Variants in RABL3 observed in about 807,000 individuals in gnomAD.
RABL3 encodes the protein rab-like protein 3.
A neutral mutation model predicts 31.8 loss-of-function variants in RABL3; 31 were observed. The observed-to-expected ratio is 0.97, with a 90% CI of 0.73 to 1.31. The LOEUF (loss-of-function observed/expected upper bound fraction) is 1.31, where lower values mean the gene tolerates loss of function less well. Among genes scored for constraint, RABL3 ranks in the 40% most tolerant of loss-of-function variants. RABL3 has a pLI of 0.00. For synonymous variants in RABL3, 97 were observed against 99.9 expected (o/e 0.97, Z 0.18); for missense variants, 263 against 279.6 (o/e 0.94, Z 0.42).
intron 1 of RABL3, among the ~76,000 whole-genome samples, chr3:120,735,700 C>G (rs1297318434): frequency 3.3e-5 from 5 of 152,186 alleles, no homozygotes; most frequent in Admixed American, 6.5e-5. Flanking sequence ...AAATTTCCCT[C>G]TACACACTGC....
chr3:120,696,590 AT>A (rs1419876655), intron 5 of RABL3, among the ~76,000 whole-genome samples: 3 of 82,826 alleles, frequency 3.6e-5, no homozygotes, highest in Admixed American at 1.6e-4. Context: ...GCAAGTAGGA[AT>A]AACACACACA....
chr3:120,723,605 C>A (rs1043892933), intron 2 of RABL3, among the ~76,000 whole-genome samples: 1 of 152,174 alleles, frequency 6.6e-6, no homozygotes, highest in African/African-American at 2.4e-5. Flanking sequence ...CCACCATGAT[C>A]AAGTGGGCTT....
intron 6 of RABL3, among the ~76,000 whole-genome samples, chr3:120,693,157 C>T (rs1411714519): frequency 1.4e-5 from 2 of 147,068 alleles, no homozygotes; most frequent in Admixed American, 6.8e-5. Flanking sequence ...AGCATCTAGG[C>T]ACATCTGTAC....
chr3:120,731,314 T>C (rs550052991), intron 1 of RABL3, among the ~76,000 whole-genome samples: 5 of 152,278 alleles, frequency 3.3e-5, no homozygotes, highest in African/African-American at 9.6e-5. Context: ...ATACTGTCAG[T>C]GAGAGGGATT....
intron 2 of RABL3, among the ~76,000 whole-genome samples, chr3:120,723,656 A>G (rs1708777904): frequency 6.6e-6 from 1 of 152,260 alleles, no homozygotes; most frequent in Non-Finnish European, 1.5e-5. Context: ...ACGCAAATCA[A>G]TAAACGTAAT....
At position 120,686,760 on chromosome 3, in the gene RABL3, T is replaced by C. The variant is rs531861753; in HGVS notation, c.*3063A>G. ...TTCAGAAATGAAGACAAAAAAGAAA[T>C]AGGAAAACTTGTGTATTTTTATGTA... On this transcript the variant is annotated 3_prime_UTR_variant, in exon 8 of 8. Transcript: ENST00000273375. 11 of 152,212 alleles carry C rather than the reference T, an allele frequency of 7.2e-5. No homozygotes were observed. Among genetic ancestry groups the C allele is most frequent in the African/African-American group, 2.2e-4 (9 of 41,542 alleles). The allele number at this position is 152,212 out of a possible 1,614,324, so 9.4% of individuals were successfully genotyped here. A position where few individuals can be genotyped will look rare whatever the true frequency, so the allele number is the denominator to read the frequency against.
intron 1 of RABL3, among the ~76,000 whole-genome samples, chr3:120,739,454 T>C (rs1026716730): frequency 6.6e-6 from 1 of 152,142 alleles, no homozygotes; most frequent in Non-Finnish European, 1.5e-5. Flanking sequence ...TCAAAGATTA[T>C]CATTATGATT....
In RABL3 at chr3:120,709,761, A is replaced by G. The variant is rs774555547; in HGVS notation, c.268+19T>C. 1.3e-6 allele frequency: 2 copies of G among 1,584,126 alleles called. No individual in the cohort carries two copies. Among genetic ancestry groups the G allele is most frequent in the Non-Finnish European group, 1.7e-6 (2 of 1,158,168 alleles). Reference sequence around the variant, plus strand: ...CTCTTAGACCATTAATATAAGATAGAAATTTAAAAATGTTTTACCATTTAC... The same window carrying G: ...CTCTTAGACCATTAATATAAGATAGGAATTTAAAAATGTTTTACCATTTAC... On this transcript the variant is annotated intron_variant, in intron 3 of 7. Transcript: ENST00000273375.
Position 120,685,242 on chromosome 3 carries a change from A to C in RABL3, c.*4581T>G, listed in dbSNP as rs1708295780. Among the ~76,000 whole-genome samples, 2 of 152,328 alleles carry C rather than the reference A, an allele frequency of 1.3e-5. No homozygotes were observed. Among genetic ancestry groups the C allele is most frequent in the Middle Eastern group, 6.8e-3 (2 of 294 alleles). ...GGTGTGACAGGTCTACAGAGTAATC[A>C]CTCCAAAACGGAGTTAGGCATCAGA... On this transcript the variant is annotated 3_prime_UTR_variant, in exon 8 of 8. Coordinates refer to ENST00000273375, the MANE Select transcript of RABL3 (RefSeq NM_173825.5).
In RABL3 at chr3:120,695,867, C is replaced by T. The variant is rs553968312; in HGVS notation, c.535-1643G>A. 2.0e-5 allele frequency among the ~76,000 whole-genome samples: 3 copies of T among 152,178 alleles called. No individual in the cohort carries two copies. In the South Asian group the frequency reaches 6.2e-4, roughly 32 times the overall value. ...ACAACAAGCAAACAAAAAAACACCC[C>T]CAAAACCTTAATTCTATGGTTCCAT... On this transcript the variant is annotated intron_variant, in intron 5 of 7. Transcript: ENST00000273375.
chr3:120,698,548 C>A lies in RABL3; in HGVS notation c.409G>T (p.Asp137Tyr), dbSNP rs1456580979. 1 of 1,612,022 alleles carries A rather than the reference C, an allele frequency of 6.2e-7. No individual in the cohort carries two copies. The highest frequency in any genetic ancestry group is 8.5e-7 in the Non-Finnish European group (1 of 1,178,728). Residue 137 changes from aspartate (D) to tyrosine (Y), a missense_variant, in exon 5 of 8, where the codon GAT (aspartate) becomes TAT (tyrosine). Coordinates refer to ENST00000273375, the MANE Select transcript of RABL3 (RefSeq NM_173825.5). ...ATTACCAACAGTGGTATTTGGTTAT[C>A]AGCAAACTGTTCTTGATCATAATCC... ...NGDYDQEQFA[D>Y]NQIPLLVIGT...
intron 4 of RABL3, among the ~76,000 whole-genome samples, chr3:120,704,799 C>G (rs1234564833): frequency 6.6e-6 from 1 of 152,136 alleles, no homozygotes; most frequent in Non-Finnish European, 1.5e-5. Context: ...TAACCCAGCA[C>G]TTTGGGAGGC....
chr3:120,731,964 C>G (rs972882103), intron 1 of RABL3, among the ~76,000 whole-genome samples: 5 of 152,050 alleles, frequency 3.3e-5, no homozygotes, highest in African/African-American at 1.2e-4. Flanking sequence ...CAGGCTGAGG[C>G]AGGATGATCC....
chr3:120,701,934 T>C (rs1343199147), intron 4 of RABL3, among the ~76,000 whole-genome samples: 2 of 152,190 alleles, frequency 1.3e-5, no homozygotes, highest in African/African-American at 4.8e-5. Context: ...ATAGTGAGCA[T>C]ATTAAGGAAG....
In RABL3 at chr3:120,706,125, C is replaced by T. The variant is rs924531953; in HGVS notation, c.269-11G>A. On this transcript the variant is annotated splice_polypyrimidine_tract_variant and intron_variant, in intron 3 of 7. Transcript: ENST00000273375. Reference sequence around the variant, plus strand: ...GTACGAAAATAATACCTAAAATAATCAGAGAAAACAATGTTAATCCCTTAA... The same window carrying T: ...GTACGAAAATAATACCTAAAATAATTAGAGAAAACAATGTTAATCCCTTAA... 8 of 1,508,552 alleles carry T rather than the reference C, an allele frequency of 5.3e-6. No individual in the cohort carries two copies. Among genetic ancestry groups the T allele is most frequent in the Non-Finnish European group, 7.4e-6 (8 of 1,084,368 alleles). The allele number at this position is 1,508,552 out of a possible 1,614,324, so 93.4% of individuals were successfully genotyped here.
chr3:120,691,971 TAGCCAC>T lies in RABL3; in HGVS notation c.607-1490_607-1485del, dbSNP rs1268754148. ...TTGGAGACTATAGCTGGATTATTTT[TAGCCAC>T]AAGACACCAGGGCAAAGTTGCATTC... is the stretch of plus-strand genomic sequence containing the variant. On this transcript the variant is annotated intron_variant, in intron 6 of 7. Transcript: ENST00000273375. 3.9e-5 allele frequency among the ~76,000 whole-genome samples: 6 copies of T among 152,336 alleles called. No individual in the cohort carries two copies. The East Asian group carries it at 1.2e-3, about 29-fold the overall frequency.
chr3:120,708,518 T>G (rs1469173965), intron 3 of RABL3, among the ~76,000 whole-genome samples: 2 of 152,038 alleles, frequency 1.3e-5, no homozygotes, highest in African/African-American at 4.8e-5. Context: ...TTCAGACTTC[T>G]CTGTGCCAGA....
rs1277275914 is a variant in RABL3, at chr3:120,720,534, G to A, written c.138+10162C>T. Among the ~76,000 whole-genome samples, 8 of 152,306 alleles carry A rather than the reference G, an allele frequency of 5.3e-5. No individual in the cohort carries two copies. In the East Asian group the frequency reaches 7.7e-4, roughly 15 times the overall value. ...AACCACGGCATGAGAACTACGTGAC[G>A]AATGCACAAGCCTCAGTAGTCGATT... On this transcript the variant is annotated intron_variant, in intron 2 of 7. Coordinates refer to ENST00000273375, the MANE Select transcript of RABL3 (RefSeq NM_173825.5).
chr3:120,723,318 G>C (rs1207852115), intron 2 of RABL3, among the ~76,000 whole-genome samples: 1 of 151,958 alleles, frequency 6.6e-6, no homozygotes, highest in Non-Finnish European at 1.5e-5. Context: ...AGCTTACCAA[G>C]CAAAAAAAGT....
Sources: gnomAD v4.1 joint callset for allele counts (sites outside exome capture counted in the v4.1 genomes callset) on GRCh38, gnomAD v4.1.1 for gene constraint, MANE v1.5 for transcripts, NCBI Gene and HGNC (gene_info 2026-07-23, HGNC 2026-07-21) for gene names.